Variants in TRPM3 observed in about 807,000 individuals in gnomAD.
TRPM3 encodes long transient receptor potential channel 3.
TRPM3 carries 77 observed loss-of-function variants against 181.2 expected under a neutral mutation model. The observed-to-expected ratio is 0.42, with a 90% CI of 0.35 to 0.51. TRPM3 has a LOEUF of 0.51. Among genes scored for constraint, TRPM3 ranks in the 20% least tolerant of loss-of-function variants. The pLI, the probability that TRPM3 is intolerant of heterozygous loss-of-function variation, is 0.01. For synonymous variants in TRPM3, 745 were observed against 796.4 expected (o/e 0.94, Z 1.09); for missense variants, 1,759 against 2,196.7 (o/e 0.80, Z 3.98).
At chr9:70,891,034 G>A (rs556567083) in intron 1 of TRPM3, among the ~76,000 whole-genome samples, 4 of 151,988 alleles carry the variant, frequency 2.6e-5, no homozygotes, top group Admixed American at 6.6e-5. Context: ...GGTGGGGAGA[G>A]GGGGGAGGGA....
chr9:70,766,452 G>T (rs2079142305), intron 7 of TRPM3, among the ~76,000 whole-genome samples: 2 of 152,014 alleles, frequency 1.3e-5, no homozygotes, highest in South Asian at 4.1e-4. Context: ...GACCCCCATA[G>T]ATATTTTCTA....
exon 1 of TRPM3, chr9:71,446,695 C>A (rs1279773747): frequency 1.3e-6 from 2 of 1,550,450 alleles, no homozygotes; most frequent in Non-Finnish European, 1.7e-6. Flanking sequence ...TGGTGGACCC[C>A]TGCTTGGAAC....
intron 17 of TRPM3, among the ~76,000 whole-genome samples, chr9:70,616,512 T>A (rs1347775750): frequency 6.2e-4 from 1 of 1,608 alleles, no homozygotes. Context: ...TCCACTGGCA[T>A]TTTTTTTTTT....
chr9:71,282,212 GAA>G (rs1284715896), intron 1 of TRPM3, among the ~76,000 whole-genome samples: 2 of 102,982 alleles, frequency 1.9e-5, no homozygotes, highest in Non-Finnish European at 3.9e-5. Context: ...AAGAAAGAAA[GAA>G]AGGAAAGAAA....
At chr9:70,968,911 A>G (rs1028895981) in intron 1 of TRPM3, among the ~76,000 whole-genome samples, 3 of 152,282 alleles carry the variant, frequency 2.0e-5, no homozygotes, top group East Asian at 1.9e-4. Flanking sequence ...TAAAAATCCT[A>G]GAAGAAAATC....
At chr9:70,948,910 T>A (rs1340491371) in intron 1 of TRPM3, among the ~76,000 whole-genome samples, 2 of 152,218 alleles carry the variant, frequency 1.3e-5, no homozygotes, top group Non-Finnish European at 2.9e-5. Flanking sequence ...CATCATATTG[T>A]ATCCTTACTA....
At chr9:70,678,990 A>T (rs2064751591) in intron 9 of TRPM3, among the ~76,000 whole-genome samples, 1 of 152,232 alleles carries the variant, frequency 6.6e-6, no homozygotes. Flanking sequence ...ATAAATTCCC[A>T]TTAGCATCAA....
At chr9:70,950,072 C>T (rs976548628) in intron 1 of TRPM3, among the ~76,000 whole-genome samples, 2 of 152,112 alleles carry the variant, frequency 1.3e-5, no homozygotes, top group African/African-American at 2.4e-5. Flanking sequence ...AAAAAAAAAT[C>T]ATTTGAAGCC....
chr9:71,425,778 G>T (rs1478670982), intron 1 of TRPM3, among the ~76,000 whole-genome samples: 8 of 152,034 alleles, frequency 5.3e-5, no homozygotes. Flanking sequence ...ACCCATAAGG[G>T]GGTACTATAC....
At chr9:71,245,656 T>A (rs1588118460) in intron 1 of TRPM3, among the ~76,000 whole-genome samples, 1 of 152,210 alleles carries the variant, frequency 6.6e-6, no homozygotes, top group East Asian at 1.9e-4. Flanking sequence ...GGAAATGAAA[T>A]AACTAAATAG....
intron 1 of TRPM3, among the ~76,000 whole-genome samples, chr9:71,349,654 T>G (rs1281389447): frequency 6.6e-6 from 1 of 152,206 alleles, no homozygotes; most frequent in Non-Finnish European, 1.5e-5. Flanking sequence ...CATTTTAAAA[T>G]ACGATTACAA....
intron 19 of TRPM3, 92 bp downstream of exon 19, chr9:70,610,517 C>T (rs562323235): frequency 2.4e-5 from 35 of 1,468,868 alleles, no homozygotes; most frequent in East Asian, 7.0e-5. Flanking sequence ...GTGGCACTTA[C>T]GACTTGCAGA....
intron 1 of TRPM3, chr9:70,917,082 A>G (rs988039024): frequency 6.3e-7 from 1 of 1,598,946 alleles, no homozygotes; most frequent in Non-Finnish European, 8.6e-7. Context: ...AAGCACTGCA[A>G]CAGGTCCACT....
intron 1 of TRPM3, among the ~76,000 whole-genome samples, chr9:71,350,578 G>A (rs760166623): frequency 1.3e-5 from 2 of 152,222 alleles, no homozygotes; most frequent in Non-Finnish European, 2.9e-5. Context: ...TGACTCACAT[G>A]AAGATTTGTA....
rs1040317850 is a variant in TRPM3, at chr9:70,531,618, A to G, written c.*4335T>C. ...ACCACCTACACACTAGTATCACTTT[A>G]TCTAGAAACAACATAGTGTTACTAA... On this transcript the variant is annotated 3_prime_UTR_variant, in exon 26 of 26. Transcript: ENST00000677713. 6.6e-6 allele frequency: 1 copy of G among 152,254 alleles called. No individual in the cohort carries two copies. The highest frequency in any genetic ancestry group is 2.4e-5 in the African/African-American group (1 of 41,470). The allele number at this position is 152,254 out of a possible 1,614,324, so 9.4% of individuals were successfully genotyped here. A position where few individuals can be genotyped will look rare whatever the true frequency, so the allele number is the denominator to read the frequency against.
intron 1 of TRPM3, among the ~76,000 whole-genome samples, chr9:70,957,680 T>A (rs909484497): frequency 1.3e-5 from 2 of 152,184 alleles, no homozygotes; most frequent in East Asian, 3.9e-4. Context: ...TTGCCCAAAG[T>A]CCTCAAACTC....
At chr9:70,923,572 A>C (rs1477745242) in intron 1 of TRPM3, among the ~76,000 whole-genome samples, 1 of 152,148 alleles carries the variant, frequency 6.6e-6, no homozygotes, top group Non-Finnish European at 1.5e-5. Flanking sequence ...CATTAATACA[A>C]GGAGAAAACT....
intron 1 of TRPM3, among the ~76,000 whole-genome samples, chr9:71,228,931 T>C (rs2080869213): frequency 1.3e-5 from 2 of 152,058 alleles, no homozygotes; most frequent in Admixed American, 1.3e-4. Flanking sequence ...CCTATAAAAA[T>C]ACCAATGACA....
At chr9:70,831,975 A>ATTTATATATATATATATT (rs766965104) in intron 5 of TRPM3, among the ~76,000 whole-genome samples, 12 of 91,098 alleles carry the variant, frequency 1.3e-4, no homozygotes, top group African/African-American at 4.6e-4. Flanking sequence ...ATATATATAT[A>ATTTATATATATATATATT]TATATATATA....
Sources: gnomAD v4.1 joint callset for allele counts (sites outside exome capture counted in the v4.1 genomes callset) on GRCh38, gnomAD v4.1.1 for gene constraint, MANE v1.5 for transcripts, NCBI Gene and HGNC (gene_info 2026-07-23, HGNC 2026-07-21) for gene names.